The following NECAP2 variants were observed in gnomAD, a reference collection of about 807,000 sequenced individuals.
NECAP2 encodes NECAP endocytosis associated 2.
In NECAP2, 38 loss-of-function variants were observed where a neutral mutation model predicts 37.8. That is an observed-to-expected ratio of 1.01 (90% CI 0.78 to 1.32). The LOEUF (loss-of-function observed/expected upper bound fraction) is 1.32, where lower values mean the gene tolerates loss of function less well. Ranked by LOEUF, NECAP2 falls within the 40% of genes most tolerant of loss-of-function variation. The pLI, the probability that NECAP2 is intolerant of heterozygous loss-of-function variation, is 0.00. For missense variants in NECAP2, 316 were observed against 334.5 expected, an observed-to-expected ratio of 0.94 and a Z score of 0.43; for synonymous variants, 121 against 127.7, an observed-to-expected ratio of 0.95 and a Z score of 0.35.
chr1:16,448,358 C>T (rs751575216), intron 4 of NECAP2: 19 of 586,882 alleles, frequency 3.2e-5, no homozygotes, highest in East Asian at 8.7e-5. Flanking sequence ...TCCCAGCCTT[C>T]GGGCCTGCCA....
chr1:16,443,355 C>G (rs1360003250), intron 1 of NECAP2, among the ~76,000 whole-genome samples: 1 of 152,234 alleles, frequency 6.6e-6, no homozygotes, highest in Non-Finnish European at 1.5e-5. Context: ...TCAGTGTCTA[C>G]ACTTTGATTG....
rs1335947031 is a variant in NECAP2, at chr1:16,458,988, G to T, written c.*98G>T. ...AGCCCTCCTCAGCTGGCCTGTGTTT[G>T]GGGCATGAATCTCTCCTCTCCTCCT... On this transcript the variant is annotated 3_prime_UTR_variant, in exon 8 of 8. Transcript: ENST00000337132. 6.2e-6 allele frequency: 10 copies of T among 1,602,298 alleles called. No homozygotes were observed. In the Middle Eastern group the frequency reaches 5.0e-4, roughly 80 times the overall value.
chr1:16,451,754 C>A, intron 5 of NECAP2, 84 bp from the exon 6 acceptor site: 1 of 1,487,510 alleles, frequency 6.7e-7, no homozygotes, highest in Non-Finnish European at 9.3e-7. Context: ...GGTCTGGGGT[C>A]ACCTTGGCCC....
chr1:16,458,764 A>G, intron 7 of NECAP2, 78 bp from the exon 8 acceptor site: 1 of 1,516,392 alleles, frequency 6.6e-7, no homozygotes, highest in South Asian at 1.2e-5. Context: ...TTTTCTGTCC[A>G]GAGAGAAACC....
chr1:16,453,982 T>A (rs2100966652), intron 6 of NECAP2, among the ~76,000 whole-genome samples: 1 of 152,374 alleles, frequency 6.6e-6, no homozygotes, highest in East Asian at 1.9e-4. Flanking sequence ...TCAACATTTA[T>A]GAAGCACTTA....
intron 1 of NECAP2, 109 bp downstream of exon 1, chr1:16,440,962 G>C: frequency 1.2e-6 from 1 of 863,990 alleles, no homozygotes; most frequent in Non-Finnish European, 1.9e-6. Context: ...TTGGGGCGAG[G>C]GGGAGCTAAT....
chr1:16,452,061 T>C, intron 6 of NECAP2, 46 bp downstream of exon 6: 1 of 1,507,322 alleles, frequency 6.6e-7, no homozygotes, highest in East Asian at 2.3e-5. Flanking sequence ...TGCCGGCTCC[T>C]CTTCTCCCTG....
chr1:16,454,577 G>A (rs1415287686), intron 6 of NECAP2, among the ~76,000 whole-genome samples: 2 of 151,994 alleles, frequency 1.3e-5, no homozygotes, highest in African/African-American at 4.8e-5. Flanking sequence ...GGCTGGTCTC[G>A]AACTCCTGAC....
chr1:16,450,286 T>A, intron 5 of NECAP2: 1 of 379,672 alleles, frequency 2.6e-6, no homozygotes. Context: ...TTTTGTTTTG[T>A]TGTTTTTTTT....
intron 2 of NECAP2, among the ~76,000 whole-genome samples, chr1:16,446,509 T>G (rs184232914): frequency 6.6e-6 from 1 of 151,846 alleles, no homozygotes; most frequent in Non-Finnish European, 1.5e-5. Flanking sequence ...CAGTGAGCTA[T>G]GGTGCACTGC....
intron 2 of NECAP2, 142 bp from the exon 3 acceptor site, chr1:16,447,728 G>T (rs2086783646): frequency 3.0e-6 from 2 of 671,296 alleles, no homozygotes; most frequent in Non-Finnish European, 5.4e-6. Context: ...GAATGGATTC[G>T]ATTTGAATCC....
chr1:16,452,521 AG>A (rs2100963606), intron 6 of NECAP2, among the ~76,000 whole-genome samples: 1 of 152,270 alleles, frequency 6.6e-6, no homozygotes, highest in Admixed American at 6.5e-5. Flanking sequence ...AACACGAATG[AG>A]GCCCAGACTT....
intron 7 of NECAP2, among the ~76,000 whole-genome samples, chr1:16,457,583 A>G (rs970225431): frequency 6.6e-6 from 1 of 152,214 alleles, no homozygotes; most frequent in Non-Finnish European, 1.5e-5. Flanking sequence ...CTTTGCCACA[A>G]AATGTATTGC....
At chr1:16,449,934 A>G (rs2086817121) in intron 5 of NECAP2, 2 of 252,916 alleles carry the variant, frequency 7.9e-6, no homozygotes, top group South Asian at 7.7e-5. Flanking sequence ...GAGAGGGGAG[A>G]TGAGGTCAGA....
intron 2 of NECAP2, among the ~76,000 whole-genome samples, chr1:16,445,332 G>C (rs1434104864): frequency 1.3e-5 from 2 of 152,212 alleles, no homozygotes; most frequent in Non-Finnish European, 2.9e-5. Flanking sequence ...ATGAGTCTTT[G>C]TTTTGGAGAG....
chr1:16,447,377 C>CT (rs1234881146), intron 2 of NECAP2, among the ~76,000 whole-genome samples: 2 of 152,156 alleles, frequency 1.3e-5, no homozygotes, highest in African/African-American at 4.8e-5. Flanking sequence ...TTCAGATTCC[C>CT]TATGGGTATG....
chr1:16,447,864 T>A lies in NECAP2; in HGVS notation c.194-6T>A. ...GCTCAGCGCTCAGCCTAACCTGTGC[T>A]TTCAGGGGAGCTCTTTGCTCAGGCC... On this transcript the variant is annotated splice_polypyrimidine_tract_variant and splice_region_variant and intron_variant, in intron 2 of 7. Coordinates refer to ENST00000337132, the MANE Select transcript of NECAP2 (RefSeq NM_018090.5). The A allele has an allele frequency of 6.2e-7, 1 of 1,613,604 alleles. No individual in the cohort carries two copies. Among genetic ancestry groups the A allele is most frequent in the East Asian group, 2.2e-5 (1 of 44,862 alleles).
In NECAP2 at chr1:16,459,033, ACC is replaced by A; in HGVS notation, c.*144_*145del. The A allele has an allele frequency of 6.5e-7, 1 of 1,540,062 alleles. No homozygotes were observed. Among genetic ancestry groups the A allele is most frequent in the Non-Finnish European group, 8.8e-7 (1 of 1,142,152 alleles). ...CCTCCTTGTCTGGCTCTGTTGACAA[ACC>A]GGGCATGTTTGGCAGTAAATTGGCA... On this transcript the variant is annotated 3_prime_UTR_variant, in exon 8 of 8. Coordinates refer to ENST00000337132, the MANE Select transcript of NECAP2 (RefSeq NM_018090.5).
At position 16,459,518 on chromosome 1, in the gene NECAP2, G is replaced by T. The variant is rs369548548; in HGVS notation, c.*628G>T. On this transcript the variant is annotated 3_prime_UTR_variant, in exon 8 of 8. Transcript: ENST00000337132. ...TCTTTGCAAAAGGAACTGCTCCCTC[G>T]GCGTGCCCCAGCTGGGGCCTCTGAA... is the stretch of plus-strand genomic sequence containing the variant. 2 of 152,290 alleles carry T rather than the reference G, an allele frequency of 1.3e-5. No individual in the cohort carries two copies. The highest frequency in any genetic ancestry group is 4.8e-5 in the African/African-American group (2 of 41,456). The allele number at this position is 152,290 out of a possible 1,614,324, so 9.4% of individuals were successfully genotyped here.
Sources: gnomAD v4.1 joint callset for allele counts (sites outside exome capture counted in the v4.1 genomes callset) on GRCh38, gnomAD v4.1.1 for gene constraint, MANE v1.5 for transcripts, NCBI Gene and HGNC (gene_info 2026-07-23, HGNC 2026-07-21) for gene names.